The following ESR2 variants were observed in gnomAD, a reference collection of about 807,000 sequenced individuals.
ESR2 encodes the protein estrogen receptor beta.
A neutral mutation model predicts 49.6 loss-of-function variants in ESR2; 36 were observed. The ratio of observed to expected loss-of-function variants is 0.73; its 90% CI spans 0.56 to 0.96. The LOEUF (loss-of-function observed/expected upper bound fraction) is 0.96. Ranked by LOEUF, ESR2 falls within the 40% of genes least tolerant of loss-of-function variation. The pLI is 0.00. For synonymous variants in ESR2, 320 were observed against 266.1 expected, an observed-to-expected ratio of 1.20 and a Z score of -1.97; for missense variants, 714 against 693.0, an observed-to-expected ratio of 1.03 and a Z score of -0.34.
At chr14:64,256,465 A>G (rs2076097939) in intron 6 of ESR2, among the ~76,000 whole-genome samples, 2 of 152,188 alleles carry the variant, frequency 1.3e-5, no homozygotes, top group African/African-American at 4.8e-5. Context: ...ATGGTGGCTC[A>G]CGCCTGTAAT....
chr14:64,236,801 G>C (rs1479280447), intron 7 of ESR2, among the ~76,000 whole-genome samples: 1 of 151,924 alleles, frequency 6.6e-6, no homozygotes, highest in Non-Finnish European at 1.5e-5. Context: ...AGTCTGGTCT[G>C]AGGTGTCCCC....
In ESR2 at chr14:64,230,596, G is replaced by A. The variant is rs75301620; in HGVS notation, c.*2541C>T. Among the ~76,000 whole-genome samples, 2,604 of 151,934 alleles carry A rather than the reference G, an allele frequency of 0.017. 88 individuals carry two copies. Among genetic ancestry groups the A allele is most frequent in the African/African-American group, 0.06 (2,497 of 41,420 alleles). On this transcript the variant is annotated 3_prime_UTR_variant, in exon 9 of 9. Transcript: ENST00000341099. ...GCTGACAGCTTTGTCTTGTGTTCCC[G>A]CCTTAATTTTTTGAGAAAAATCCCT...
intron 1 of ESR2, among the ~76,000 whole-genome samples, chr14:64,291,771 C>T (rs898950603): frequency 2.0e-5 from 3 of 152,178 alleles, no homozygotes; most frequent in Non-Finnish European, 2.9e-5. Flanking sequence ...TTACCTTCAG[C>T]AATTGTAATC....
chr14:64,292,876 T>A (rs2076895100), intron 1 of ESR2, among the ~76,000 whole-genome samples: 1 of 152,220 alleles, frequency 6.6e-6, no homozygotes, highest in Non-Finnish European at 1.5e-5. Flanking sequence ...TTTATTCACA[T>A]CCCTCAGAAC....
intron 3 of ESR2, among the ~76,000 whole-genome samples, chr14:64,272,766 T>C (rs1430488929): frequency 6.6e-6 from 1 of 152,224 alleles, no homozygotes; most frequent in Admixed American, 6.5e-5. Context: ...TTGGTTGCTA[T>C]AGCTCTATGG....
rs146794006 is a variant in ESR2 at position 64,324,933 on chromosome 14, C to A, written c.-91+12965G>T. Among the ~76,000 whole-genome samples the A allele has an allele frequency of 5.5e-3, 845 of 152,254 alleles. 8 individuals carry two copies. Among genetic ancestry groups the A allele is most frequent in the African/African-American group, 0.019 (799 of 41,554 alleles). ...TCAGAGGTTAAAAAATTATAGACTT[C>A]TGTTAATAGATGTAGCAGATGTCAC... is the stretch of plus-strand genomic sequence containing the variant. On this transcript the variant is annotated intron_variant, in intron 1 of 8. Transcript: ENST00000358599.
chr14:64,246,000 T>C (rs1335810511), intron 7 of ESR2, among the ~76,000 whole-genome samples: 1 of 152,210 alleles, frequency 6.6e-6, no homozygotes, highest in Non-Finnish European at 1.5e-5. Context: ...GTAGGTGGTT[T>C]GGAAAAGGTC....
intron 2 of ESR2, among the ~76,000 whole-genome samples, chr14:64,280,654 T>A (rs1002121158): frequency 6.6e-6 from 1 of 152,216 alleles, no homozygotes; most frequent in Non-Finnish European, 1.5e-5. Flanking sequence ...CATTTGAAGT[T>A]CCCATTTAAA....
chr14:64,268,930 GA>G lies in ESR2; in HGVS notation c.536-20del, dbSNP rs747958007. ...TTATGTCCTATAGCAGAGTGGGAGG[GA>G]AAAAAAGATTATTGCTATGATCTCT... On this transcript the variant is annotated intron_variant, in intron 3 of 8. Coordinates refer to ENST00000341099, the MANE Select transcript of ESR2 (RefSeq NM_001437.3). 8.9e-6 allele frequency: 12 copies of G among 1,350,468 alleles called. No individual in the cohort carries two copies. Among genetic ancestry groups the G allele is most frequent in the African/African-American group, 5.8e-5 (4 of 69,000 alleles). The allele number at this position is 1,350,468 out of a possible 1,614,324, so 83.7% of individuals were successfully genotyped here. A position where few individuals can be genotyped will look rare whatever the true frequency, so the allele number is the denominator to read the frequency against.
intron 1 of ESR2, among the ~76,000 whole-genome samples, chr14:64,299,482 C>CT: frequency 6.6e-6 from 1 of 151,850 alleles, no homozygotes; most frequent in Admixed American, 6.6e-5. Context: ...GCCTCAGCCC[C>CT]CCAAGTAGCT....
At chr14:64,310,883 T>C (rs1351165004) in intron 1 of ESR2, among the ~76,000 whole-genome samples, 2 of 152,206 alleles carry the variant, frequency 1.3e-5, no homozygotes, top group Admixed American at 6.5e-5. Context: ...AAAAATTGCA[T>C]ATTGATTTCA....
At chr14:64,277,600 G>C (rs2076580257) in intron 3 of ESR2, among the ~76,000 whole-genome samples, 1 of 142,916 alleles carries the variant, frequency 7.0e-6, no homozygotes, top group Admixed American at 7.1e-5. Flanking sequence ...ACTCCAGCCT[G>C]GGTGACAGAA....
intron 1 of ESR2, chr14:64,332,358 G>C (rs927545151): frequency 6.6e-6 from 1 of 152,134 alleles, no homozygotes; most frequent in African/African-American, 2.4e-5. Flanking sequence ...GGTATCAATT[G>C]GTCTAACGTA....
intron 1 of ESR2, among the ~76,000 whole-genome samples, chr14:64,307,949 G>A (rs776650006): frequency 2.0e-5 from 3 of 151,996 alleles, no homozygotes; most frequent in Admixed American, 1.3e-4. Flanking sequence ...ATTATTTCCT[G>A]TCTTCATTTT....
chr14:64,234,212 A>AT (rs1471164935), intron 8 of ESR2: 1 of 152,310 alleles, frequency 6.6e-6, no homozygotes. Context: ...AGAGGTCTTC[A>AT]TCTCACTTAA....
At chr14:64,291,645 T>C (rs978823563) in intron 1 of ESR2, among the ~76,000 whole-genome samples, 18 of 152,206 alleles carry the variant, frequency 1.2e-4, no homozygotes, top group African/African-American at 2.9e-4. Flanking sequence ...CAAAAGGTTA[T>C]ACATCTCCAC....
At chr14:64,264,373 GC>G (rs2076280867) in intron 4 of ESR2, among the ~76,000 whole-genome samples, 1 of 152,044 alleles carries the variant, frequency 6.6e-6, no homozygotes, top group Non-Finnish European at 1.5e-5. Context: ...AGAATTAAAG[GC>G]CTAAAATACA....
At chr14:64,271,800 C>T (rs755446618) in intron 3 of ESR2, among the ~76,000 whole-genome samples, 3 of 152,190 alleles carry the variant, frequency 2.0e-5, no homozygotes, top group Non-Finnish European at 4.4e-5. Context: ...TCTATATTCA[C>T]CTGTGGATGG....
chr14:64,284,553 C>T (rs2076750461), intron 1 of ESR2, among the ~76,000 whole-genome samples: 1 of 151,936 alleles, frequency 6.6e-6, no homozygotes, highest in African/African-American at 2.4e-5. Flanking sequence ...AACTCCTGAC[C>T]TCAAGTGATC....
Sources: gnomAD v4.1 joint callset for allele counts (sites outside exome capture counted in the v4.1 genomes callset) on GRCh38, gnomAD v4.1.1 for gene constraint, MANE v1.5 for transcripts, NCBI Gene and HGNC (gene_info 2026-07-23, HGNC 2026-07-21) for gene names.